SYT1: variants seen among roughly 807,000 people sequenced by gnomAD.
The protein encoded by SYT1 is synaptotagmin-1.
SYT1 carries 8 observed loss-of-function variants against 44.8 expected under a neutral mutation model. The ratio of observed to expected loss-of-function variants is 0.18; its 90% CI spans 0.10 to 0.32. The LOEUF is 0.32. SYT1 is among the 10% of genes least tolerant of loss of function. SYT1 has a pLI of 1.00. For missense variants in SYT1, 286 were observed against 509.3 expected (o/e 0.56, Z 4.22); for synonymous variants, 154 against 188.8 (o/e 0.82, Z 1.51).
At chr12:79,362,837 ATTCTTTGTCAAATT>A (rs1403860448) in intron 9 of SYT1, among the ~76,000 whole-genome samples, 2 of 152,198 alleles carry the variant, frequency 1.3e-5, no homozygotes, top group African/African-American at 4.8e-5. Context: ...CTACTCAAAA[ATTCTTTGTCAAATT>A]TTCTTTACTA....
intron 4 of SYT1, among the ~76,000 whole-genome samples, chr12:79,219,438 A>G (rs1875018347): frequency 1.3e-5 from 2 of 152,018 alleles, no homozygotes; most frequent in South Asian, 4.1e-4. Flanking sequence ...ACCATGTCAT[A>G]AAATTTTTAT....
chr12:78,979,425 T>C (rs1565746794), intron 2 of SYT1, among the ~76,000 whole-genome samples: 1 of 152,100 alleles, frequency 6.6e-6, no homozygotes, highest in Non-Finnish European at 1.5e-5. Context: ...TAAGTCAGAA[T>C]CTTTGGGAGT....
rs190629260 is a variant in SYT1 at position 79,284,956 on chromosome 12, A to G, written c.167-831A>G. On this transcript the variant is annotated intron_variant, in intron 4 of 10. Coordinates refer to ENST00000261205, the MANE Select transcript of SYT1 (RefSeq NM_005639.3). Reference sequence around the variant, plus strand: ...CATCTTTAAGCCAGATGAAATGGGTACCACTGTAATCTTCACTGTATAGAG... The same window carrying G: ...CATCTTTAAGCCAGATGAAATGGGTGCCACTGTAATCTTCACTGTATAGAG... Among the ~76,000 whole-genome samples, 11 of 152,294 alleles carry G rather than the reference A, an allele frequency of 7.2e-5. No homozygotes were observed. The East Asian group carries it at 2.1e-3, about 29-fold the overall frequency.
intron 1 of SYT1, among the ~76,000 whole-genome samples, chr12:78,948,077 G>A (rs1233535778): frequency 3.3e-5 from 5 of 151,502 alleles, no homozygotes; most frequent in Admixed American, 2.6e-4. Flanking sequence ...AACAATGAAA[G>A]GTCCTGCAGA....
At chr12:78,883,012 A>G (rs1874540407) in intron 1 of SYT1, among the ~76,000 whole-genome samples, 1 of 151,734 alleles carries the variant, frequency 6.6e-6, no homozygotes, top group Admixed American at 6.6e-5. Context: ...GATAAAGTAG[A>G]GATTGTTACT....
At chr12:79,320,653 T>C (rs1275274753) in intron 8 of SYT1, among the ~76,000 whole-genome samples, 13 of 144,392 alleles carry the variant, frequency 9.0e-5, no homozygotes, top group Middle Eastern at 7.0e-3. Flanking sequence ...TTCCCCTTTT[T>C]TTTTTTTTTT....
intron 1 of SYT1, among the ~76,000 whole-genome samples, chr12:78,952,634 T>C (rs756398404): frequency 1.6e-4 from 24 of 152,170 alleles, no homozygotes; most frequent in Non-Finnish European, 2.6e-4. Context: ...AGTTTTGTCA[T>C]GTTTTAGGTC....
intron 8 of SYT1, among the ~76,000 whole-genome samples, chr12:79,350,531 C>T (rs1882852942): frequency 6.6e-6 from 1 of 152,072 alleles, no homozygotes; most frequent in Non-Finnish European, 1.5e-5. Context: ...GGATTACAGG[C>T]GTGAGCCACC....
chr12:79,208,889 C>T (rs1874278213), intron 3 of SYT1, among the ~76,000 whole-genome samples: 1 of 151,894 alleles, frequency 6.6e-6, no homozygotes, highest in Non-Finnish European at 1.5e-5. Flanking sequence ...TCCTGGAAGG[C>T]ATACTCTTTA....
intron 3 of SYT1, among the ~76,000 whole-genome samples, chr12:79,093,275 C>G (rs558951973): frequency 6.6e-6 from 1 of 151,666 alleles, no homozygotes; most frequent in African/African-American, 2.4e-5. Context: ...AATAAAGGTT[C>G]GAAGCATTCG....
chr12:78,939,037 A>G (rs1200709118), intron 1 of SYT1, among the ~76,000 whole-genome samples: 1 of 152,164 alleles, frequency 6.6e-6, no homozygotes, highest in East Asian at 1.9e-4. Context: ...ACCAAATAAC[A>G]TGACAGAGGG....
At chr12:79,053,670 T>C (rs1874708631) in intron 3 of SYT1, among the ~76,000 whole-genome samples, 1 of 150,098 alleles carries the variant, frequency 6.7e-6, no homozygotes, top group South Asian at 2.1e-4. Flanking sequence ...AATTAAAATT[T>C]ATATATAAAT....
rs935966626 is a variant in SYT1, at chr12:79,080,335, C to A, written c.-18+32973C>A. Among the ~76,000 whole-genome samples, 5 of 152,212 alleles carry A rather than the reference C, an allele frequency of 3.3e-5. No homozygotes were observed. In the East Asian group the frequency reaches 9.7e-4, roughly 29 times the overall value. On this transcript the variant is annotated intron_variant, in intron 3 of 10. Coordinates refer to ENST00000261205, the MANE Select transcript of SYT1 (RefSeq NM_005639.3). Reference sequence around the variant, plus strand: ...CATCTGGATATTTGACAACCACGAACCTCAATATGATTAACTGAGCATTTC... The same window carrying A: ...CATCTGGATATTTGACAACCACGAAACTCAATATGATTAACTGAGCATTTC...
chr12:79,199,526 A>T (rs1016914442), intron 3 of SYT1, among the ~76,000 whole-genome samples: 11 of 152,202 alleles, frequency 7.2e-5, no homozygotes, highest in African/African-American at 2.4e-4. Context: ...TCACCATAGA[A>T]ATGCCCTATC....
chr12:79,213,045 C>T (rs192814084), intron 3 of SYT1, among the ~76,000 whole-genome samples: 1 of 152,074 alleles, frequency 6.6e-6, no homozygotes, highest in East Asian at 1.9e-4. Context: ...ATTAATATGT[C>T]CTTTATTTTA....
chr12:79,200,025 C>CT (rs1873686506), intron 3 of SYT1, among the ~76,000 whole-genome samples: 1 of 151,970 alleles, frequency 6.6e-6, no homozygotes, highest in Admixed American at 6.6e-5. Flanking sequence ...ATAAAGAGGG[C>CT]TTCTCTTCCT....
intron 10 of SYT1, among the ~76,000 whole-genome samples, chr12:79,446,829 G>A (rs997859592): frequency 2.0e-5 from 3 of 152,004 alleles, no homozygotes; most frequent in African/African-American, 7.2e-5. Context: ...GATTTATTTT[G>A]CAATATTTAT....
intron 1 of SYT1, among the ~76,000 whole-genome samples, chr12:78,912,006 T>C (rs1425110465): frequency 1.3e-5 from 2 of 151,996 alleles, no homozygotes; most frequent in African/African-American, 4.8e-5. Flanking sequence ...TGACATCGTG[T>C]CTGACTTCCA....
rs190467658 is a variant in SYT1, at chr12:79,138,282, A to G, written c.-17-79221A>G. 1.9e-4 allele frequency among the ~76,000 whole-genome samples: 29 copies of G among 152,186 alleles called. No homozygotes were observed. In the East Asian group the frequency reaches 4.8e-3, roughly 25 times the overall value. The stretch of plus-strand genomic sequence containing the variant: ...AAACTTGAGAAAGCAACTGAAACCA[A>G]TGAAATCATGTATGATTTTTAAAAG... On this transcript the variant is annotated intron_variant, in intron 3 of 10. Transcript: ENST00000261205.
Sources: allele counts gnomAD v4.1 joint callset (sites outside exome capture counted in the v4.1 genomes callset), GRCh38; gene constraint gnomAD v4.1.1; transcripts MANE v1.5; gene names NCBI Gene and HGNC (gene_info 2026-07-23, HGNC 2026-07-21).